LRRIQ4: variants seen among roughly 807,000 people sequenced by gnomAD.
The protein encoded by LRRIQ4 is leucine-rich repeat and IQ domain-containing protein 4.
LRRIQ4 carries 21 observed loss-of-function variants against 40.1 expected under a neutral mutation model. The ratio of observed to expected loss-of-function variants is 0.52; its 90% CI spans 0.37 to 0.75. The LOEUF (loss-of-function observed/expected upper bound fraction) is 0.75, where lower values mean the gene tolerates loss of function less well. LRRIQ4 is among the 30% of genes least tolerant of loss of function. The pLI, the probability that LRRIQ4 is intolerant of heterozygous loss-of-function variation, is 0.00. For synonymous variants in LRRIQ4, 277 were observed against 277.1 expected (o/e 1.00, Z 0.00); for missense variants, 655 against 660.0 (o/e 0.99, Z 0.08).
intron 2 of LRRIQ4, among the ~76,000 whole-genome samples, chr3:169,828,032 G>A (rs1780080214): frequency 6.6e-6 from 1 of 152,156 alleles, no homozygotes; most frequent in African/African-American, 2.4e-5. Flanking sequence ...CTCCAACTGA[G>A]ATTTCAACTG....
At chr3:169,834,071 T>C (rs1780249524) in intron 5 of LRRIQ4, among the ~76,000 whole-genome samples, 1 of 152,196 alleles carries the variant, frequency 6.6e-6, no homozygotes, top group Non-Finnish European at 1.5e-5. Context: ...TATACAAATA[T>C]ATATTTCAGG....
At chr3:169,813,825 G>GCT (rs1779694542) in intron 1 of LRRIQ4, among the ~76,000 whole-genome samples, 1 of 152,134 alleles carries the variant, frequency 6.6e-6, no homozygotes, top group East Asian at 1.9e-4. Flanking sequence ...CAAGAACCTG[G>GCT]ACACCTTCTA....
At chr3:169,818,353 G>A (rs559825826) in intron 1 of LRRIQ4, among the ~76,000 whole-genome samples, 2 of 152,236 alleles carry the variant, frequency 1.3e-5, no homozygotes, top group African/African-American at 2.4e-5. Flanking sequence ...CTGATCTTTC[G>A]TTCTTATGAA....
Position 169,822,039 on chromosome 3 carries a change from A to G in LRRIQ4, c.118A>G (p.Ile40Val). 6.2e-7 allele frequency: 1 copy of G among 1,603,734 alleles called. No individual in the cohort carries two copies. Among genetic ancestry groups the G allele is most frequent in the Non-Finnish European group, 8.5e-7 (1 of 1,176,984 alleles). ...TGCCTCTAATCAGAGCTTGACTGCC[A>G]TTCCTTTGGAGATCTTCACATTCAC... ...IDASNQSLTA[I>V]PLEIFTFTEL... The change falls in exon 2 of 6, where the codon ATT becomes GTT. Residue 40 changes from isoleucine (I) to valine (V), a missense_variant. Transcript: ENST00000340806.
At chr3:169,818,195 C>T (rs774240091) in intron 1 of LRRIQ4, among the ~76,000 whole-genome samples, 4 of 152,164 alleles carry the variant, frequency 2.6e-5, no homozygotes, top group Admixed American at 6.5e-5. Context: ...TCTCCCTCCC[C>T]GAAGCACACT....
intron 2 of LRRIQ4, among the ~76,000 whole-genome samples, chr3:169,828,387 C>T (rs1780088587): frequency 6.6e-6 from 1 of 152,184 alleles, no homozygotes; most frequent in South Asian, 2.1e-4. Context: ...CACCCGCTAC[C>T]ACACCCAGCT....
rs1407799772 is a variant in LRRIQ4 at position 169,837,562 on chromosome 3, G to T, written c.1614G>T (p.Lys538Asn). The change falls in exon 6 of 6, where the codon AAG becomes AAT. Residue 538 changes from lysine to asparagine, a missense_variant. Physicochemically the swap from Lys to Asn is moderately conservative, Grantham distance 94. Transcript: ENST00000340806. ...TACTAAAACCACAAAAGAAAGGAAA[G>T]ACCTCTCCAAAAGATAAGAAAGGAA... ...GELLKPQKKG[K>N]TSPKDKKGKK... 1 of 1,603,524 alleles carries T rather than the reference G, an allele frequency of 6.2e-7. No homozygotes were observed. Among genetic ancestry groups the T allele is most frequent in the Non-Finnish European group, 8.5e-7 (1 of 1,175,102 alleles).
chr3:169,830,476 ACT>A lies in LRRIQ4; in HGVS notation c.1195-14_1195-13del, dbSNP rs773045862. The A allele has an allele frequency of 6.5e-7, 1 of 1,542,950 alleles. No homozygotes were observed. Among genetic ancestry groups the A allele is most frequent in the South Asian group, 1.2e-5 (1 of 85,546 alleles). On this transcript the variant is annotated splice_polypyrimidine_tract_variant and intron_variant, in intron 3 of 5. Transcript: ENST00000340806. Reference sequence around the variant, plus strand: ...TAATCAAGGTATATTATTATGGTACACTCATGTTATTTCAGAGTCTCAAAGAG... The same window carrying A: ...TAATCAAGGTATATTATTATGGTACACATGTTATTTCAGAGTCTCAAAGAG...
intron 3 of LRRIQ4, 48 bp from the exon 4 acceptor site, chr3:169,830,443 TA>T: frequency 1.1e-6 from 1 of 892,536 alleles, no homozygotes; most frequent in Non-Finnish European, 1.6e-6. Flanking sequence ...CTGGTTATTA[TA>T]ATTAATTAAT....
At chr3:169,816,821 C>G (rs1247909822) in intron 1 of LRRIQ4, among the ~76,000 whole-genome samples, 3 of 151,990 alleles carry the variant, frequency 2.0e-5, no homozygotes, top group African/African-American at 4.8e-5. Flanking sequence ...CAGGCACACA[C>G]CACAATGCTT....
chr3:169,816,258 G>A (rs1779766509), intron 1 of LRRIQ4, among the ~76,000 whole-genome samples: 1 of 152,074 alleles, frequency 6.6e-6, no homozygotes, highest in Non-Finnish European at 1.5e-5. Context: ...TTAAATGTTT[G>A]ATAAAAATCA....
Position 169,833,286 on chromosome 3 carries a change from G to A in LRRIQ4, c.1530+103G>A, listed in dbSNP as rs528044956. 3 of 945,474 alleles carry A rather than the reference G, an allele frequency of 3.2e-6. No homozygotes were observed. The East Asian group carries it at 8.2e-5, about 26-fold the overall frequency. 58.6% of individuals were successfully genotyped at this position (945,474 alleles called of 1,614,324 possible). ...GAGCAACTCCTTACACCCTTGTCCT[G>A]CTTCTGAAAAGAGAAGTTACTTGGT... On this transcript the variant is annotated intron_variant, in intron 5 of 5. Coordinates refer to ENST00000340806, the MANE Select transcript of LRRIQ4 (RefSeq NM_001080460.3).
At chr3:169,828,621 G>A in intron 2 of LRRIQ4, 138 bp from the exon 3 acceptor site, 3 of 670,634 alleles carry the variant, frequency 4.5e-6, no homozygotes, top group Non-Finnish European at 7.6e-6. Flanking sequence ...ATGCAGATAT[G>A]TGCACAAATT....
chr3:169,827,963 A>T (rs1780078932), intron 2 of LRRIQ4, among the ~76,000 whole-genome samples: 2 of 152,188 alleles, frequency 1.3e-5, no homozygotes, highest in Admixed American at 1.3e-4. Context: ...ACATGACACG[A>T]TAGGATCATA....
rs1780251732 is a variant in LRRIQ4 at position 169,834,121 on chromosome 3, G to A, written c.1530+938G>A. Among the ~76,000 whole-genome samples, 5 of 152,174 alleles carry A rather than the reference G, an allele frequency of 3.3e-5. No homozygotes were observed. The South Asian group carries it at 1.0e-3, about 31-fold the overall frequency. ...TCTCGCCTGTAATCCCAGCACTTTG[G>A]GAGGCTGAGGCGGGTGGATCACTTG... On this transcript the variant is annotated intron_variant, in intron 5 of 5. Coordinates refer to ENST00000340806, the MANE Select transcript of LRRIQ4 (RefSeq NM_001080460.3).
At position 169,826,129 on chromosome 3, in the gene LRRIQ4, C is replaced by T. The variant is rs556714584; in HGVS notation, c.1021-2630C>T. 2.6e-5 allele frequency among the ~76,000 whole-genome samples: 4 copies of T among 152,232 alleles called. 1 individual carries two copies. The highest frequency in any genetic ancestry group is 1.9e-4 in the East Asian group (1 of 5,184). On this transcript the variant is annotated intron_variant, in intron 2 of 5. Coordinates refer to ENST00000340806, the MANE Select transcript of LRRIQ4 (RefSeq NM_001080460.3). ...AAAGCAGGCCACGTGCGGTGACTCA[C>T]GCCTGTAATCACAACACTTTGGGAG...
intron 1 of LRRIQ4, among the ~76,000 whole-genome samples, chr3:169,820,247 CTCTGTGTG>C (rs1488354472): frequency 2.6e-5 from 3 of 114,944 alleles, no homozygotes; most frequent in African/African-American, 1.2e-4. Flanking sequence ...TCCCCATAGA[CTCTGTGTG>C]TGTGTGTGTG....
In LRRIQ4 at chr3:169,837,529, C is replaced by T. The variant is rs369016431; in HGVS notation, c.1581C>T (p.Phe527=). 37 of 1,608,034 alleles carry T rather than the reference C, an allele frequency of 2.3e-5. No homozygotes were observed. Among genetic ancestry groups the T allele is most frequent in the African/African-American group, 2.3e-4 (17 of 74,624 alleles). ...TGGTACAGAGAGGATTTGGGAAATTCGGTGAACTACTAAAACCACAAAAGA... is the reference window on the plus strand; with the variant it reads ...TGGTACAGAGAGGATTTGGGAAATTTGGTGAACTACTAAAACCACAAAAGA... The part of the protein sequence containing the change: ...GTMVQRGFGK[F]GELLKPQKKG... The change falls in exon 6 of 6, where the codon TTC becomes TTT. Residue 527 remains phenylalanine, a synonymous_variant. Coordinates refer to ENST00000340806, the MANE Select transcript of LRRIQ4 (RefSeq NM_001080460.3).
At position 169,833,173 on chromosome 3, in the gene LRRIQ4, T is replaced by C. The variant is rs1553923059; in HGVS notation, c.1520T>C (p.Met507Thr). Reference protein sequence around the residue: ...YLKENRNRNIMATKIQAWWRG... With the variant: ...YLKENRNRNITATKIQAWWRG... Reference sequence around the variant, plus strand: ...AAGGAAAACAGAAACAGGAATATAATGGCAACAAAGGTAAAATCAGCCCAG... The same window carrying C: ...AAGGAAAACAGAAACAGGAATATAACGGCAACAAAGGTAAAATCAGCCCAG... Residue 507 changes from methionine to threonine, a missense_variant, in exon 5 of 6, where the codon ATG becomes ACG. By Grantham distance (81) the Met-to-Thr change is moderately conservative. Coordinates refer to ENST00000340806, the MANE Select transcript of LRRIQ4 (RefSeq NM_001080460.3). 6.2e-7 allele frequency: 1 copy of C among 1,612,548 alleles called. No individual in the cohort carries two copies. Among genetic ancestry groups the C allele is most frequent in the Non-Finnish European group, 8.5e-7 (1 of 1,179,276 alleles).
Sources: gnomAD v4.1 joint callset for allele counts (sites outside exome capture counted in the v4.1 genomes callset) on GRCh38, gnomAD v4.1.1 for gene constraint, MANE v1.5 for transcripts, NCBI Gene and HGNC (gene_info 2026-07-23, HGNC 2026-07-21) for gene names.